Variants in VWA5A observed in about 807,000 individuals in gnomAD.
VWA5A encodes von Willebrand factor A domain containing 5A.
Under a neutral mutation model 84.6 loss-of-function variants are expected in VWA5A, and 77 were observed. The observed-to-expected ratio is 0.91, with a 90% CI of 0.76 to 1.10. The LOEUF (loss-of-function observed/expected upper bound fraction) is 1.10, where lower values mean the gene tolerates loss of function less well. Ranked by LOEUF, VWA5A falls within the 50% of genes least tolerant of loss-of-function variation. The probability of loss-of-function intolerance (pLI) is 0.00; values close to 1 mark genes in which losing one functional copy is unlikely to be tolerated. For missense variants in VWA5A, 973 were observed against 963.0 expected, an observed-to-expected ratio of 1.01 and a Z score of -0.14; for synonymous variants, 334 against 350.1, an observed-to-expected ratio of 0.95 and a Z score of 0.51.
intron 12 of VWA5A, among the ~76,000 whole-genome samples, chr11:124,135,535 T>TC (rs1865164333): frequency 7.1e-6 from 1 of 140,700 alleles, no homozygotes; most frequent in Non-Finnish European, 1.5e-5. Context: ...TTTTTTTTTT[T>TC]TTTTTTTTTT....
At position 124,117,502 on chromosome 11, in the gene VWA5A, T is replaced by A. The variant is rs201757274; in HGVS notation, c.-10T>A. ...GTGATATGTCTTTTCTGCAGAAATC[T>A]TGCATCACCATGGTGCACTTCTGTG... On this transcript the variant is annotated 5_prime_UTR_variant, in exon 3 of 19. It adds an upstream start codon to the 5' untranslated region. Transcript: ENST00000456829. 6.2e-7 allele frequency: 1 copy of A among 1,614,194 alleles called. No individual in the cohort carries two copies. Among genetic ancestry groups the A allele is most frequent in the Admixed American group, 1.7e-5 (1 of 60,028 alleles).
intron 17 of VWA5A, 123 bp downstream of exon 17, chr11:124,142,695 G>T: frequency 1.5e-6 from 2 of 1,301,636 alleles, no homozygotes; most frequent in South Asian, 3.2e-5. Flanking sequence ...AAATTAATTT[G>T]TAATAAATAG....
chr11:124,133,529 G>A lies in VWA5A; in HGVS notation c.1245-1391G>A, dbSNP rs147673506. ...TTTCAAACAAATTATTGTAAATATT[G>A]TATACAGCTTTCCTAGTTCTTTGCT... On this transcript the variant is annotated intron_variant, in intron 11 of 18. Coordinates refer to ENST00000456829, the MANE Select transcript of VWA5A (RefSeq NM_001130142.2). 2.0e-3 allele frequency among the ~76,000 whole-genome samples: 305 copies of A among 152,214 alleles called. 2 individuals carry two copies. Among genetic ancestry groups the A allele is most frequent in the African/African-American group, 7.0e-3 (292 of 41,548 alleles).
chr11:124,123,732 AG>A lies in VWA5A; in HGVS notation c.1097del (p.Gly366AlafsTer38), dbSNP rs764769694. On this transcript the variant is annotated frameshift_variant, in exon 10 of 19. Coordinates refer to ENST00000456829, the MANE Select transcript of VWA5A (RefSeq NM_001130142.2). LOFTEE classifies it high-confidence loss of function. ...GRVKLMQADL[G>X]GTEILAPLQN... The stretch of plus-strand genomic sequence containing the variant: ...GAGTGAAGCTTATGCAGGCCGACCT[AG>A]GGGGCACTGAAATCTTGGCACCACT... The A allele has an allele frequency of 1.2e-6, 2 of 1,611,786 alleles. No homozygotes were observed. Among genetic ancestry groups the A allele is most frequent in the Middle Eastern group, 1.7e-4 (1 of 6,040 alleles).
chr11:124,118,372 G>T lies in VWA5A; in HGVS notation c.430G>T (p.Val144Leu), dbSNP rs757286762. The change falls in exon 5 of 19, where the codon GTG becomes TTG. Residue 144 changes from valine (V) to leucine (L), a missense_variant. Coordinates refer to ENST00000456829, the MANE Select transcript of VWA5A (RefSeq NM_001130142.2). ...PLEADGALRF[V>L]LPAVLNPRYQ... is the part of the protein sequence containing the mutation. ...GGAAGCAGATGGGGCTCTGCGCTTT[G>T]TGCTCCCAGCTGTCCTGAATCCTAG... 46 of 1,614,124 alleles carry T rather than the reference G, an allele frequency of 2.8e-5. No homozygotes were observed. Among genetic ancestry groups the T allele is most frequent in the Non-Finnish European group, 3.6e-5 (43 of 1,180,048 alleles).
At position 124,127,814 on chromosome 11, in the gene VWA5A, T is replaced by C. The variant is rs551862246; in HGVS notation, c.1244+3498T>C. Among the ~76,000 whole-genome samples, 105 of 152,314 alleles carry C rather than the reference T, an allele frequency of 6.9e-4. 2 individuals are homozygous for C. The highest frequency in any genetic ancestry group is 2.4e-3 in the African/African-American group (100 of 41,552). ...TTTGTTGGCCACATAAATGTCTTCTTTTGGAAAGTGTCTGTTCATATCCTC... is the reference window on the plus strand; with the variant it reads ...TTTGTTGGCCACATAAATGTCTTCTCTTGGAAAGTGTCTGTTCATATCCTC... On this transcript the variant is annotated intron_variant, in intron 11 of 18. Transcript: ENST00000456829.
At chr11:124,139,839 A>G (rs1331506206) in intron 15 of VWA5A, among the ~76,000 whole-genome samples, 1 of 152,152 alleles carries the variant, frequency 6.6e-6, no homozygotes, top group Non-Finnish European at 1.5e-5. Flanking sequence ...TACTATATTG[A>G]ATAGAAGTGG....
chr11:124,118,167 T>C (rs1236849263), intron 4 of VWA5A, 22 bp from the exon 5 acceptor site: 1 of 1,606,588 alleles, frequency 6.2e-7, no homozygotes, highest in Non-Finnish European at 8.5e-7. Context: ...TTCTTTCCCA[T>C]CCCTCGCCCT....
chr11:124,126,761 A>G (rs1255068391), intron 11 of VWA5A, among the ~76,000 whole-genome samples: 3 of 149,544 alleles, frequency 2.0e-5, no homozygotes, highest in African/African-American at 4.9e-5. Flanking sequence ...TCCTTCTTGA[A>G]AAAAAAAAAA....
intron 15 of VWA5A, among the ~76,000 whole-genome samples, chr11:124,137,497 T>C (rs1211818442): frequency 6.6e-6 from 1 of 152,144 alleles, no homozygotes; most frequent in Non-Finnish European, 1.5e-5. Flanking sequence ...AAAACAAACA[T>C]TAAAATGTAG....
At chr11:124,118,862 C>T in intron 6 of VWA5A, 113 bp from the exon 7 acceptor site, 3 of 1,338,406 alleles carry the variant, frequency 2.2e-6, no homozygotes, top group Non-Finnish European at 3.1e-6. Context: ...TCTCCAGCCT[C>T]ACCTCTGTTC....
chr11:124,132,101 G>T (rs1458980789), intron 11 of VWA5A, among the ~76,000 whole-genome samples: 2 of 151,972 alleles, frequency 1.3e-5, no homozygotes, highest in Non-Finnish European at 2.9e-5. Flanking sequence ...CTGTTTAGAT[G>T]AATGTGTGAT....
In VWA5A at chr11:124,123,757, C is replaced by T. The variant is rs575386128; in HGVS notation, c.1117C>T (p.Leu373Phe). The T allele has an allele frequency of 1.6e-5, 26 of 1,607,174 alleles. No individual in the cohort carries two copies. Among genetic ancestry groups the T allele is most frequent in the East Asian group, 1.6e-4 (7 of 44,856 alleles). ...DLGGTEILAPLQNIYRGPSIP... is the reference protein window; with the variant it reads ...DLGGTEILAPFQNIYRGPSIP... ...AGGGGGCACTGAAATCTTGGCACCA[C>T]TCCAGAACATTTACAGGGGACCCTC... Residue 373 changes from leucine (L) to phenylalanine (F), a missense_variant, in exon 10 of 19, where the codon CTC becomes TTC. Transcript: ENST00000456829.
intron 11 of VWA5A, among the ~76,000 whole-genome samples, chr11:124,127,671 G>A (rs1865039246): frequency 6.6e-6 from 1 of 152,124 alleles, no homozygotes; most frequent in African/African-American, 2.4e-5. Context: ...ATCCTCTCCA[G>A]CATCTGTTGT....
chr11:124,121,565 C>T (rs1864932789), intron 7 of VWA5A, among the ~76,000 whole-genome samples: 1 of 151,898 alleles, frequency 6.6e-6, no homozygotes, highest in East Asian at 1.9e-4. Context: ...TCTTATATGA[C>T]CCTGGGAAGC....
Position 124,137,281 on chromosome 11 carries a change from A to G in VWA5A, c.1879+13A>G. 6.2e-7 allele frequency: 1 copy of G among 1,612,856 alleles called. No homozygotes were observed. The highest frequency in any genetic ancestry group is 8.5e-7 in the Non-Finnish European group (1 of 1,179,378). On this transcript the variant is annotated intron_variant, in intron 15 of 18. Coordinates refer to ENST00000456829, the MANE Select transcript of VWA5A (RefSeq NM_001130142.2). ...AAATGCCAATCAGGTAATGAGTTTT[A>G]TTCCATTCAAACTCATATAGAATAA...
intron 16 of VWA5A, 117 bp from the exon 17 acceptor site, chr11:124,142,325 C>G (rs995885840): frequency 2.0e-5 from 28 of 1,374,564 alleles, no homozygotes; most frequent in Non-Finnish European, 2.7e-5. Flanking sequence ...TGATGACTTT[C>G]TTTCTATTGC....
At chr11:124,131,498 A>G (rs1865096963) in intron 11 of VWA5A, among the ~76,000 whole-genome samples, 1 of 152,062 alleles carries the variant, frequency 6.6e-6, no homozygotes, top group African/African-American at 2.4e-5. Flanking sequence ...TCTCTGTAAT[A>G]TTTTATAATT....
At chr11:124,142,254 C>T (rs1034155205) in intron 16 of VWA5A, among the ~76,000 whole-genome samples, 188 bp from the exon 17 acceptor site, 2 of 152,202 alleles carry the variant, frequency 1.3e-5, no homozygotes, top group African/African-American at 4.8e-5. Flanking sequence ...TCTGTGAGCC[C>T]CTGTTCCACT....
Sources: allele counts gnomAD v4.1 joint callset (sites outside exome capture counted in the v4.1 genomes callset), GRCh38; gene constraint gnomAD v4.1.1; transcripts MANE v1.5; gene names NCBI Gene and HGNC (gene_info 2026-07-23, HGNC 2026-07-21).